PAQR6: variants seen among roughly 807,000 people sequenced by gnomAD.
PAQR6 encodes membrane progestin receptor delta.
Under a neutral mutation model 36.2 loss-of-function variants are expected in PAQR6, and 34 were observed. The ratio of observed to expected loss-of-function variants is 0.94; its 90% CI spans 0.71 to 1.25. The LOEUF (loss-of-function observed/expected upper bound fraction) is 1.25, where lower values mean the gene tolerates loss of function less well. Ranked by LOEUF, PAQR6 falls within the 50% of genes most tolerant of loss-of-function variation. The probability of loss-of-function intolerance (pLI) is 0.00; values close to 1 mark genes in which losing one functional copy is unlikely to be tolerated. For missense variants in PAQR6, 431 were observed against 445.7 expected, an observed-to-expected ratio of 0.97 and a Z score of 0.30; for synonymous variants, 190 against 190.7, an observed-to-expected ratio of 1.00 and a Z score of 0.03.
chr1:156,247,636 G>A (rs1264258114), intron 1 of PAQR6: 1 of 162,186 alleles, frequency 6.2e-6, no homozygotes, highest in African/African-American at 2.4e-5. Flanking sequence ...GACCCTGCTG[G>A]GCAAAGGCAA....
Position 156,244,316 on chromosome 1 carries a change from C to T in PAQR6, c.848G>A (p.Arg283Lys). ...EAVLADMGSR[R>K]AWLATQEPAL... ...AGGTTCCTGTGTGGCCAGCCAGGCT[C>T]TGCGTGATCCCATATCAGCCAGCAC... The change falls in exon 8 of 8, where the codon AGA (arginine) becomes AAA (lysine). Residue 283 changes from arginine to lysine, a missense_variant. Physicochemically the swap from Arg to Lys is conservative, Grantham distance 26 (BLOSUM62 2). Coordinates refer to ENST00000292291, the MANE Select transcript of PAQR6 (RefSeq NM_198406.3). 3.7e-6 allele frequency: 6 copies of T among 1,611,660 alleles called. No homozygotes were observed. The highest frequency in any genetic ancestry group is 5.1e-6 in the Non-Finnish European group (6 of 1,179,300).
At position 156,246,752 on chromosome 1, in the gene PAQR6, T is replaced by G. The variant is rs959770805; in HGVS notation, c.-21A>C. ...AGCATGGTGGCCTGGTACCTCCACG[T>G]TGACCTAGAGACAGAGTGGGAGGTA... On this transcript the variant is annotated 5_prime_UTR_variant, in exon 2 of 8. Coordinates refer to ENST00000292291, the MANE Select transcript of PAQR6 (RefSeq NM_198406.3). The G allele has an allele frequency of 1.9e-6, 3 of 1,612,766 alleles. No homozygotes were observed. The highest frequency in any genetic ancestry group is 1.7e-5 in the Admixed American group (1 of 59,882).
rs1388334346 is a variant in PAQR6, at chr1:156,245,676, G to A, written c.386-15C>T. On this transcript the variant is annotated splice_polypyrimidine_tract_variant and intron_variant, in intron 4 of 7. Transcript: ENST00000292291. ...GAAGGCGCAGCCTGCGGTGAGGTGGGGGCGTGCAGCTGAGGCCTGAGGGGC... is the reference window on the plus strand; with the variant it reads ...GAAGGCGCAGCCTGCGGTGAGGTGGAGGCGTGCAGCTGAGGCCTGAGGGGC... 6.2e-7 allele frequency: 1 copy of A among 1,610,574 alleles called. No homozygotes were observed. The highest frequency in any genetic ancestry group is 8.5e-7 in the Non-Finnish European group (1 of 1,178,766).
In PAQR6 at chr1:156,245,552, G is replaced by A. The variant is rs1660266574; in HGVS notation, c.495C>T (p.Gly165=). ...AAALNSFLCT[G]LSCYSRFLEL... is the part of the protein sequence containing the mutation. ...GAACCCACCGGGAGTAGCAGGAGAGGCCGGTGCACAGGAAGGAGTTGAGTG... is the reference window on the plus strand; with the variant it reads ...GAACCCACCGGGAGTAGCAGGAGAGACCGGTGCACAGGAAGGAGTTGAGTG... The change falls in exon 5 of 8, where the codon GGC becomes GGT. Residue 165 remains glycine (G), a synonymous_variant. Coordinates refer to ENST00000292291, the MANE Select transcript of PAQR6 (RefSeq NM_198406.3). 2 of 1,612,274 alleles carry A rather than the reference G, an allele frequency of 1.2e-6. No homozygotes were observed. Among genetic ancestry groups the A allele is most frequent in the Non-Finnish European group, 8.5e-7 (1 of 1,179,996 alleles).
At position 156,243,443 on chromosome 1, in the gene PAQR6, G is replaced by A; in HGVS notation, c.*686C>T. ...TTTCCAAAGTTTTATTTTTTTATTT[G>A]TACCTGCCTTGTTCCAGAAAACGTT... On this transcript the variant is annotated 3_prime_UTR_variant, in exon 8 of 8. Transcript: ENST00000292291. The A allele has an allele frequency of 2.0e-6, 1 of 499,294 alleles. No homozygotes were observed. The highest frequency in any genetic ancestry group is 3.2e-5 in the South Asian group (1 of 31,644). The allele number at this position is 499,294 out of a possible 1,614,324, so 30.9% of individuals were successfully genotyped here. A position where few individuals can be genotyped will look rare whatever the true frequency, so the allele number is the denominator to read the frequency against.
chr1:156,247,580 G>A (rs1660821294), intron 1 of PAQR6: 2 of 154,256 alleles, frequency 1.3e-5, no homozygotes, highest in South Asian at 2.0e-4. Context: ...TTTGGGGCTT[G>A]CACCAGCAGT....
rs756618074 is a variant in PAQR6 at position 156,245,940 on chromosome 1, C to T, written c.227G>A (p.Arg76His). ...LLALAGGPGF[R>H]AEPYHWPLLV... ...CAGCGGCCAGTGGTACGGCTCCGCA[C>T]GGAAGCCGGGGCCGCCCGCCAGCGC... is the stretch of plus-strand genomic sequence containing the variant. The change falls in exon 4 of 8, where the codon CGT (arginine) becomes CAT (histidine). Residue 76 changes from arginine to histidine, a missense_variant. By Grantham distance (29) the Arg-to-His change is conservative (BLOSUM62 0). Transcript: ENST00000292291. 1 of 1,540,822 alleles carries T rather than the reference C, an allele frequency of 6.5e-7. No homozygotes were observed. The highest frequency in any genetic ancestry group is 1.2e-5 in the South Asian group (1 of 83,600).
chr1:156,246,589 G>A, intron 2 of PAQR6, 92 bp downstream of exon 2: 1 of 1,414,432 alleles, frequency 7.1e-7, no homozygotes, highest in Non-Finnish European at 9.7e-7. Context: ...CTGCAGGAGG[G>A]GCTGCCCCAA....
At position 156,245,675 on chromosome 1, in the gene PAQR6, G is replaced by C. The variant is rs1660302288; in HGVS notation, c.386-14C>G. The C allele has an allele frequency of 5.0e-6, 8 of 1,610,530 alleles. No homozygotes were observed. The highest frequency in any genetic ancestry group is 1.3e-5 in the African/African-American group (1 of 74,914). ...GGAAGGCGCAGCCTGCGGTGAGGTG[G>C]GGGCGTGCAGCTGAGGCCTGAGGGG... On this transcript the variant is annotated splice_polypyrimidine_tract_variant and intron_variant, in intron 4 of 7. Coordinates refer to ENST00000292291, the MANE Select transcript of PAQR6 (RefSeq NM_198406.3).
In PAQR6 at chr1:156,243,952, G is replaced by C. The variant is rs1206537216; in HGVS notation, c.*177C>G. The C allele has an allele frequency of 2.5e-6, 4 of 1,613,890 alleles. No homozygotes were observed. The African/African-American group carries it at 4.0e-5, about 16-fold the overall frequency. ...CCCCTCACGGTCCCTCTCACACTCTGCCAGTCCCCCTAGACACCCCTCCTC... is the reference window on the plus strand; with the variant it reads ...CCCCTCACGGTCCCTCTCACACTCTCCCAGTCCCCCTAGACACCCCTCCTC... On this transcript the variant is annotated 3_prime_UTR_variant, in exon 8 of 8. Transcript: ENST00000292291.
At chr1:156,246,608 AGAG>A in intron 2 of PAQR6, 70 bp downstream of exon 2, 1 of 1,528,268 alleles carries the variant, frequency 6.5e-7, no homozygotes, top group South Asian at 1.2e-5. Flanking sequence ...AATAGCTAAA[AGAG>A]AAGAACGTCA....
At chr1:156,244,633 G>A (rs1391304454) in intron 7 of PAQR6, 128 bp downstream of exon 7, 11 of 1,541,412 alleles carry the variant, frequency 7.1e-6, no homozygotes, top group Non-Finnish European at 9.7e-6. Context: ...GTTATAGGAA[G>A]ACAGGGAAGT....
chr1:156,246,936 A>G (rs905476437), intron 1 of PAQR6, among the ~76,000 whole-genome samples, 180 bp from the exon 2 acceptor site: 4 of 152,012 alleles, frequency 2.6e-5, no homozygotes, highest in Non-Finnish European at 4.4e-5. Context: ...TGCACCACTT[A>G]ACTCCAACCC....
chr1:156,245,793 A>G lies in PAQR6; in HGVS notation c.374T>C (p.Leu125Pro). 1 of 1,599,334 alleles carries G rather than the reference A, an allele frequency of 6.3e-7. No homozygotes were observed. Among genetic ancestry groups the G allele is most frequent in the African/African-American group, 1.3e-5 (1 of 74,920 alleles). Reference sequence around the variant, plus strand: ...CCTGTCCGGCTCACCCAGACTGTAGAGGCTGAGCGCGCCGTAGTCGAGGAA... The same window carrying G: ...CCTGTCCGGCTCACCCAGACTGTAGGGGCTGAGCGCGCCGTAGTCGAGGAA... ...CYFLDYGALS[L>P]YSLGCAFPYA... Residue 125 changes from leucine (L) to proline (P), a missense_variant, in exon 4 of 8, where the codon CTC (leucine) becomes CCC (proline). Coordinates refer to ENST00000292291, the MANE Select transcript of PAQR6 (RefSeq NM_198406.3).
Position 156,248,038 on chromosome 1 carries a change from A to G in PAQR6, c.-107T>C. On this transcript the variant is annotated 5_prime_UTR_variant, in exon 1 of 8. Transcript: ENST00000292291. ...GCGGAGTCCAAGGCTGCTGCCAGCC[A>G]GGCTGATGGAGGAAGAGTGGCCAGG... The G allele has an allele frequency of 2.2e-6, 1 of 462,300 alleles. No individual in the cohort carries two copies. The highest frequency in any genetic ancestry group is 4.5e-6 in the Non-Finnish European group (1 of 222,644). 28.6% of individuals were successfully genotyped at this position (462,300 alleles called of 1,614,324 possible).
At chr1:156,246,853 A>T in intron 1 of PAQR6, 97 bp from the exon 2 acceptor site, 1 of 1,032,470 alleles carries the variant, frequency 9.7e-7, no homozygotes, top group Non-Finnish European at 1.4e-6. Flanking sequence ...TGCGTGTGGG[A>T]GGCAGATGGC....
chr1:156,243,791 A>G lies in PAQR6; in HGVS notation c.*338T>C. 6.7e-7 allele frequency: 1 copy of G among 1,499,150 alleles called. No individual in the cohort carries two copies. The highest frequency in any genetic ancestry group is 8.9e-7 in the Non-Finnish European group (1 of 1,118,998). 92.9% of individuals were successfully genotyped at this position (1,499,150 alleles called of 1,614,324 possible). A position where few individuals can be genotyped will look rare whatever the true frequency, so the allele number is the denominator to read the frequency against. On this transcript the variant is annotated 3_prime_UTR_variant, in exon 8 of 8. Transcript: ENST00000292291. ...CTGAGCAGAGACTTCCAGAAGCACC[A>G]GAAACGGAGCCAGATGAAAGGACCC...
chr1:156,244,921 G>A lies in PAQR6; in HGVS notation c.610-10C>T, dbSNP rs1278495827. 2 of 1,610,914 alleles carry A rather than the reference G, an allele frequency of 1.2e-6. No individual in the cohort carries two copies. The highest frequency in any genetic ancestry group is 1.1e-5 in the South Asian group (1 of 90,864). On this transcript the variant is annotated splice_polypyrimidine_tract_variant and intron_variant, in intron 6 of 7. Coordinates refer to ENST00000292291, the MANE Select transcript of PAQR6 (RefSeq NM_198406.3). ...CCCAGCACAGCCCGAGCTGTCAAAGGAAAACCAAGGCTGCTGGGGAGGGAC... is the reference window on the plus strand; with the variant it reads ...CCCAGCACAGCCCGAGCTGTCAAAGAAAAACCAAGGCTGCTGGGGAGGGAC...
At chr1:156,246,278 G>A (rs1234329979) in intron 2 of PAQR6, 28 bp from the exon 3 acceptor site, 1 of 1,577,238 alleles carries the variant, frequency 6.3e-7, no homozygotes, top group Non-Finnish European at 8.7e-7. Context: ...GAGGAAGGGC[G>A]TCACTGTGCC....
Sources: allele counts gnomAD v4.1 joint callset (sites outside exome capture counted in the v4.1 genomes callset), GRCh38; gene constraint gnomAD v4.1.1; transcripts MANE v1.5; gene names NCBI Gene and HGNC (gene_info 2026-07-23, HGNC 2026-07-21).